The following AGBL4 variants were observed in gnomAD, a reference collection of about 807,000 sequenced individuals.
The protein encoded by AGBL4 is AGBL carboxypeptidase 4.
AGBL4 carries 58 observed loss-of-function variants against 66.4 expected under a neutral mutation model. The observed-to-expected ratio is 0.87, with a 90% CI of 0.71 to 1.09. The LOEUF is 1.09. Among genes scored for constraint, AGBL4 ranks in the 50% least tolerant of loss-of-function variants. AGBL4 has a pLI of 0.00. For synonymous variants in AGBL4, 234 were observed against 222.9 expected, an observed-to-expected ratio of 1.05 and a Z score of -0.44; for missense variants, 579 against 631.0, an observed-to-expected ratio of 0.92 and a Z score of 0.88.
rs554851359 is a variant in AGBL4 at position 49,456,647 on chromosome 1, A to G, written c.283-210783T>C. Among the ~76,000 whole-genome samples the G allele has an allele frequency of 3.2e-4, 48 of 151,578 alleles. 1 individual carries two copies. The highest frequency in any genetic ancestry group is 1.2e-3 in the South Asian group (6 of 4,812). ...CTTATATGAATGTTATTGAGTGTCA[A>G]TTTCCGAGATTTTGGTGCACCCATC... On this transcript the variant is annotated intron_variant, in intron 3 of 13. Transcript: ENST00000371839.
intron 3 of AGBL4, among the ~76,000 whole-genome samples, chr1:49,566,710 T>A (rs562031777): frequency 1.3e-5 from 2 of 152,338 alleles, no homozygotes; most frequent in Non-Finnish European, 1.5e-5. Context: ...CCGCCCCTAC[T>A]GGGAGGTGCC....
At chr1:49,014,772 A>G (rs996899330) in intron 5 of AGBL4, among the ~76,000 whole-genome samples, 6 of 152,186 alleles carry the variant, frequency 3.9e-5, no homozygotes, top group Admixed American at 1.3e-4. Flanking sequence ...TCATGGAGCT[A>G]CCTAATCATA....
intron 4 of AGBL4, among the ~76,000 whole-genome samples, chr1:49,137,302 G>A (rs115755240): frequency 0.011 from 1,681 of 152,158 alleles, 25 homozygotes; most frequent in African/African-American, 0.039. Context: ...TGATGTTATC[G>A]TATAATAGAA....
At chr1:48,692,434 T>C (rs1447288035) in intron 6 of AGBL4, among the ~76,000 whole-genome samples, 1 of 152,130 alleles carries the variant, frequency 6.6e-6, no homozygotes, top group Non-Finnish European at 1.5e-5. Flanking sequence ...TGTGCGCGCC[T>C]GTCTGTCGAG....
intron 2 of AGBL4, among the ~76,000 whole-genome samples, chr1:49,759,986 G>A (rs1445451051): frequency 2.6e-5 from 4 of 152,180 alleles, no homozygotes; most frequent in Admixed American, 2.0e-4. Flanking sequence ...TTCTTAATGA[G>A]TACAGGAGTT....
rs139556614 is a variant in AGBL4, at chr1:49,084,587, A to C, written c.378-38787T>G. 5.6e-3 allele frequency among the ~76,000 whole-genome samples: 847 copies of C among 152,218 alleles called. 6 individuals carry two copies. The highest frequency in any genetic ancestry group is 0.02 in the African/African-American group (813 of 41,530). Reference sequence around the variant, plus strand: ...CCACCCCCATGATTCAATTAACTCCACCTGGCCCTGCCCTTGACACATGGG... The same window carrying C: ...CCACCCCCATGATTCAATTAACTCCCCCTGGCCCTGCCCTTGACACATGGG... On this transcript the variant is annotated intron_variant, in intron 4 of 13. Coordinates refer to ENST00000371839, the MANE Select transcript of AGBL4 (RefSeq NM_032785.4).
chr1:48,789,673 C>T (rs1570678649), intron 6 of AGBL4, among the ~76,000 whole-genome samples: 1 of 152,012 alleles, frequency 6.6e-6, no homozygotes, highest in Non-Finnish European at 1.5e-5. Context: ...TCTTTAGGGA[C>T]AAGATGTAAA....
intron 3 of AGBL4, among the ~76,000 whole-genome samples, chr1:49,484,556 T>C (rs1483315913): frequency 6.6e-6 from 1 of 151,960 alleles, no homozygotes; most frequent in Non-Finnish European, 1.5e-5. Flanking sequence ...ATTTAAACAA[T>C]TGAACTCATG....
rs140466194 is a variant in AGBL4, at chr1:49,490,857, CAATT to C, written c.282+206452_282+206455del. On this transcript the variant is annotated intron_variant, in intron 3 of 13. Transcript: ENST00000371839. ...AGAAAACACAATAAAAACAAAAACT[CAATT>C]AAAGAAAATATGAAAGGGGTTTTAA... 8.8e-3 allele frequency among the ~76,000 whole-genome samples: 1,333 copies of C among 151,724 alleles called. 16 individuals are homozygous for C. The highest frequency in any genetic ancestry group is 0.031 in the African/African-American group (1,279 of 41,464).
chr1:49,318,751 C>G (rs1645082870), intron 3 of AGBL4, among the ~76,000 whole-genome samples: 2 of 152,174 alleles, frequency 1.3e-5, no homozygotes, highest in Admixed American at 6.5e-5. Flanking sequence ...GGTTGTTGTT[C>G]TTAAGCACTA....
At chr1:48,776,657 G>T (rs1467358732) in intron 6 of AGBL4, 7 of 1,492,358 alleles carry the variant, frequency 4.7e-6, no homozygotes, top group Admixed American at 2.4e-5. Flanking sequence ...CCCCAGTCGC[G>T]GGGGGCGCGC....
At chr1:49,719,118 A>G (rs948128653) in intron 2 of AGBL4, among the ~76,000 whole-genome samples, 3 of 152,146 alleles carry the variant, frequency 2.0e-5, no homozygotes, top group Admixed American at 6.6e-5. Context: ...CCCAAATCCT[A>G]TAAGTAATCA....
intron 3 of AGBL4, among the ~76,000 whole-genome samples, chr1:49,510,411 C>T (rs1649111768): frequency 6.6e-6 from 1 of 150,792 alleles, no homozygotes; most frequent in South Asian, 2.1e-4. Flanking sequence ...ATGTCCTTTG[C>T]CCACTTTTTG....
chr1:49,844,754 C>T (rs1253647424), intron 2 of AGBL4: 1 of 1,593,432 alleles, frequency 6.3e-7, no homozygotes, highest in African/African-American at 1.3e-5. Flanking sequence ...GAAGAAATAT[C>T]CAACAATGTC....
chr1:48,795,329 T>A (rs888668415), intron 6 of AGBL4, among the ~76,000 whole-genome samples: 1 of 152,208 alleles, frequency 6.6e-6, no homozygotes, highest in Non-Finnish European at 1.5e-5. Context: ...TCATGCTACG[T>A]ATTCCCTTAT....
At chr1:49,193,270 T>A (rs898514875) in intron 4 of AGBL4, among the ~76,000 whole-genome samples, 4 of 152,126 alleles carry the variant, frequency 2.6e-5, no homozygotes, top group African/African-American at 9.6e-5. Flanking sequence ...TTTGTTCTTG[T>A]TTTTCTAGTT....
intron 6 of AGBL4, among the ~76,000 whole-genome samples, chr1:48,802,755 G>A (rs1645838160): frequency 6.6e-6 from 1 of 152,116 alleles, no homozygotes; most frequent in Non-Finnish European, 1.5e-5. Context: ...CCCTGCCTCT[G>A]GCACCACCCT....
At chr1:49,486,300 T>A (rs188622127) in intron 3 of AGBL4, among the ~76,000 whole-genome samples, 20 of 152,176 alleles carry the variant, frequency 1.3e-4, no homozygotes, top group Non-Finnish European at 2.4e-4. Context: ...TCATATGTAT[T>A]GTTCTTTTAA....
intron 3 of AGBL4, among the ~76,000 whole-genome samples, chr1:49,518,896 A>G (rs1400426794): frequency 6.6e-6 from 1 of 152,114 alleles, no homozygotes; most frequent in African/African-American, 2.4e-5. Context: ...AGGCACACAT[A>G]TAAAGTATTC....
Sources: gnomAD v4.1 joint callset for allele counts (sites outside exome capture counted in the v4.1 genomes callset) on GRCh38, gnomAD v4.1.1 for gene constraint, MANE v1.5 for transcripts, NCBI Gene and HGNC (gene_info 2026-07-23, HGNC 2026-07-21) for gene names.